The following CDYL2 variants were observed in gnomAD, a reference collection of about 807,000 sequenced individuals.
The protein encoded by CDYL2 is chromodomain Y like 2, also known as chromodomain Y-like protein 2.
In CDYL2, 23 loss-of-function variants were observed where a neutral mutation model predicts 49.4. The ratio of observed to expected loss-of-function variants is 0.47; its 90% CI spans 0.34 to 0.66. The LOEUF (loss-of-function observed/expected upper bound fraction) is 0.66, where lower values mean the gene tolerates loss of function less well. CDYL2 is among the 30% of genes least tolerant of loss of function. CDYL2 has a pLI of 0.01. For synonymous variants in CDYL2, 360 were observed against 268.8 expected (o/e 1.34, Z -3.32); for missense variants, 678 against 656.4 (o/e 1.03, Z -0.36).
chr16:80,703,111 A>T (rs1043437216), intron 1 of CDYL2, among the ~76,000 whole-genome samples: 1 of 152,220 alleles, frequency 6.6e-6, no homozygotes, highest in Admixed American at 6.5e-5. Context: ...GAATTATCTC[A>T]ACCATGTAGA....
rs1244323825 is a variant in CDYL2 at position 80,760,381 on chromosome 16, CA to C, written c.24+43768del. 4.6e-5 allele frequency among the ~76,000 whole-genome samples: 7 copies of C among 151,234 alleles called. No homozygotes were observed. In the East Asian group the frequency reaches 1.2e-3, roughly 25 times the overall value. On this transcript the variant is annotated intron_variant, in intron 1 of 6. Transcript: ENST00000570137. ...GGGAGATGGGGATAGTTAATGAGTA[CA>C]AAAAAAATAGAATGAATGAATAAGA...
chr16:80,633,296 T>G, intron 2 of CDYL2, 60 bp from the exon 3 acceptor site: 1 of 1,528,680 alleles, frequency 6.5e-7, no homozygotes, highest in South Asian at 1.2e-5. Flanking sequence ...TAGAAGGATG[T>G]GATCAGAGGA....
chr16:80,687,053 C>A (rs901928326), intron 1 of CDYL2, among the ~76,000 whole-genome samples: 3 of 152,154 alleles, frequency 2.0e-5, no homozygotes, highest in African/African-American at 7.2e-5. Context: ...TGCTTCAGAA[C>A]GCCAAGGATT....
At chr16:80,781,909 A>G (rs1003943787) in intron 1 of CDYL2, among the ~76,000 whole-genome samples, 10 of 152,058 alleles carry the variant, frequency 6.6e-5, no homozygotes, top group African/African-American at 2.2e-4. Context: ...AGCAGTGCTC[A>G]GGGGACATTT....
intron 2 of CDYL2, among the ~76,000 whole-genome samples, chr16:80,676,524 G>A (rs550103480): frequency 5.3e-5 from 8 of 152,314 alleles, no homozygotes; most frequent in African/African-American, 1.9e-4. Flanking sequence ...GGCCTCTTCT[G>A]GGACAAGCTC....
At chr16:80,685,782 G>T (rs1046434063) in intron 1 of CDYL2, among the ~76,000 whole-genome samples, 1 of 152,176 alleles carries the variant, frequency 6.6e-6, no homozygotes, top group Non-Finnish European at 1.5e-5. Flanking sequence ...CCAAGTTCCA[G>T]AATGGTAAGG....
intron 1 of CDYL2, among the ~76,000 whole-genome samples, chr16:80,768,813 G>T (rs768524260): frequency 1.9e-4 from 29 of 152,144 alleles, no homozygotes; most frequent in Non-Finnish European, 3.7e-4. Flanking sequence ...TAGTTTTTCA[G>T]TCTTTCAATG....
chr16:80,793,330 G>C (rs556763199), intron 1 of CDYL2, among the ~76,000 whole-genome samples: 11 of 152,310 alleles, frequency 7.2e-5, no homozygotes, highest in African/African-American at 2.4e-4. Flanking sequence ...CCTGTGATGA[G>C]GGACAATGGC....
chr16:80,760,365 G>T lies in CDYL2; in HGVS notation c.24+43785C>A, dbSNP rs75130269. On this transcript the variant is annotated intron_variant, in intron 1 of 6. Transcript: ENST00000570137. ...TAGTGGGGGGTTGGAGGGGAGATGGGGATAGTTAATGAGTACAAAAAAAAT... is the reference window on the plus strand; with the variant it reads ...TAGTGGGGGGTTGGAGGGGAGATGGTGATAGTTAATGAGTACAAAAAAAAT... 2.8e-3 allele frequency among the ~76,000 whole-genome samples: 423 copies of T among 152,118 alleles called. 8 individuals carry two copies. The East Asian group carries it at 0.037, about 13-fold the overall frequency.
chr16:80,687,450 G>T (rs1910243322), intron 1 of CDYL2, among the ~76,000 whole-genome samples: 1 of 152,010 alleles, frequency 6.6e-6, no homozygotes, highest in Admixed American at 6.6e-5. Context: ...GGATGTATGG[G>T]TGACTAGATG....
chr16:80,750,107 GACA>G (rs1906080353), intron 1 of CDYL2, among the ~76,000 whole-genome samples: 1 of 151,792 alleles, frequency 6.6e-6, no homozygotes, highest in Non-Finnish European at 1.5e-5. Flanking sequence ...ATGGGGGAGG[GACA>G]ACATTAGGAT....
At chr16:80,609,173 CTA>C (rs1161956718) in intron 5 of CDYL2, among the ~76,000 whole-genome samples, 1 of 152,176 alleles carries the variant, frequency 6.6e-6, no homozygotes, top group Non-Finnish European at 1.5e-5. Flanking sequence ...CTGGGAGGAG[CTA>C]TATAGATAAA....
chr16:80,721,219 C>T (rs543141012), intron 1 of CDYL2, among the ~76,000 whole-genome samples: 1 of 152,198 alleles, frequency 6.6e-6, no homozygotes, highest in Non-Finnish European at 1.5e-5. Context: ...TGTTTGCTGT[C>T]TGCACATGTT....
chr16:80,788,085 AAAG>A, intron 1 of CDYL2, among the ~76,000 whole-genome samples: 1 of 152,296 alleles, frequency 6.6e-6, no homozygotes, highest in South Asian at 2.1e-4. Context: ...ATGCCAAATG[AAAG>A]AAAAAGGAAA....
intron 1 of CDYL2, among the ~76,000 whole-genome samples, chr16:80,776,940 C>A (rs1276560340): frequency 6.6e-6 from 1 of 151,892 alleles, no homozygotes; most frequent in African/African-American, 2.4e-5. Flanking sequence ...GCCTCGGCCT[C>A]CCGAATAGCT....
intron 3 of CDYL2, among the ~76,000 whole-genome samples, chr16:80,631,510 T>C (rs1319691544): frequency 6.6e-6 from 1 of 152,234 alleles, no homozygotes; most frequent in African/African-American, 2.4e-5. Context: ...GACATAAGCA[T>C]GATTAATATT....
intron 2 of CDYL2, among the ~76,000 whole-genome samples, chr16:80,649,213 G>A (rs1908480913): frequency 6.6e-6 from 1 of 152,158 alleles, no homozygotes; most frequent in Non-Finnish European, 1.5e-5. Context: ...CTTGTTTGCA[G>A]ATGATATGAT....
intron 1 of CDYL2, among the ~76,000 whole-genome samples, chr16:80,734,679 A>T (rs1303601628): frequency 6.6e-6 from 1 of 152,174 alleles, no homozygotes; most frequent in Admixed American, 6.5e-5. Context: ...TATGTGAAAG[A>T]CACCATGTTG....
chr16:80,641,788 C>T (rs1908101985), intron 2 of CDYL2, among the ~76,000 whole-genome samples: 1 of 150,726 alleles, frequency 6.6e-6, no homozygotes, highest in Non-Finnish European at 1.5e-5. Flanking sequence ...AGGAGATATA[C>T]CTAACGCTAA....
Sources: gnomAD v4.1 joint callset for allele counts (sites outside exome capture counted in the v4.1 genomes callset) on GRCh38, gnomAD v4.1.1 for gene constraint, MANE v1.5 for transcripts, NCBI Gene and HGNC (gene_info 2026-07-23, HGNC 2026-07-21) for gene names.